The following SUMF1 variants were observed in gnomAD, a reference collection of about 807,000 sequenced individuals.
The protein encoded by SUMF1 is formylglycine-generating enzyme.
In SUMF1, 48 loss-of-function variants were observed where a neutral mutation model predicts 47.6. The ratio of observed to expected loss-of-function variants is 1.01; its 90% CI spans 0.80 to 1.28. SUMF1 has a LOEUF of 1.28. SUMF1 is among the 50% of genes most tolerant of loss of function. The probability of loss-of-function intolerance (pLI) is 0.00; values close to 1 mark genes in which losing one functional copy is unlikely to be tolerated. For missense variants in SUMF1, 571 were observed against 485.4 expected (o/e 1.18, Z -1.66); for synonymous variants, 230 against 192.1 (o/e 1.20, Z -1.63).
intron 8 of SUMF1, among the ~76,000 whole-genome samples, chr3:4,081,739 G>A (rs544159174): frequency 2.6e-5 from 4 of 152,246 alleles, no homozygotes; most frequent in East Asian, 1.9e-4. Context: ...AATTGTATGT[G>A]TGGACTTGAC....
intron 8 of SUMF1, among the ~76,000 whole-genome samples, chr3:4,235,341 TAC>T (rs1696384322): frequency 2.0e-5 from 3 of 152,044 alleles, no homozygotes; most frequent in Admixed American, 2.0e-4. Context: ...TAAGGATAAA[TAC>T]AGTTTTGAAT....
At chr3:4,285,760 T>C (rs1272461470) in intron 8 of SUMF1, among the ~76,000 whole-genome samples, 1 of 152,156 alleles carries the variant, frequency 6.6e-6, no homozygotes, top group African/African-American at 2.4e-5. Context: ...TGAATGATAC[T>C]TTCAATAACA....
intron 8 of SUMF1, among the ~76,000 whole-genome samples, chr3:4,191,108 G>A (rs1315473462): frequency 6.6e-6 from 1 of 152,150 alleles, no homozygotes; most frequent in Non-Finnish European, 1.5e-5. Context: ...GTCTGGTAAA[G>A]AATCAAGCCT....
intron 8 of SUMF1, among the ~76,000 whole-genome samples, chr3:4,138,598 C>G (rs1054979867): frequency 6.6e-6 from 1 of 152,014 alleles, no homozygotes; most frequent in Non-Finnish European, 1.5e-5. Context: ...TTGGCAATAC[C>G]CTTTGAGCTT....
Position 4,418,102 on chromosome 3 carries a change from CCAGGACA to C in SUMF1, c.626_632del (p.Val209GlyfsTer57). 6.2e-7 allele frequency: 1 copy of C among 1,614,098 alleles called. No homozygotes were observed. The highest frequency in any genetic ancestry group is 8.5e-7 in the Non-Finnish European group (1 of 1,180,018). ...AAGTGCAGTAGGCAACCGCATCATT[CCAGGACA>C]CATGGAGAACTGGATGATCCGGCCT... is the stretch of plus-strand genomic sequence containing the variant. On this transcript the variant is annotated frameshift_variant, in exon 5 of 9. Coordinates refer to ENST00000272902, the MANE Select transcript of SUMF1 (RefSeq NM_182760.4). LOFTEE classifies it high-confidence loss of function.
chr3:4,127,027 T>A (rs1355811354), intron 8 of SUMF1, among the ~76,000 whole-genome samples: 4 of 152,176 alleles, frequency 2.6e-5, no homozygotes, highest in African/African-American at 9.7e-5. Flanking sequence ...CTTCCAAGGA[T>A]TCCAGAGGAC....
At chr3:4,458,727 G>T (rs1457219988) in intron 1 of SUMF1, among the ~76,000 whole-genome samples, 2 of 152,042 alleles carry the variant, frequency 1.3e-5, no homozygotes, top group African/African-American at 4.8e-5. Flanking sequence ...TTGGTGGCGG[G>T]CGCCTGTAGT....
intron 8 of SUMF1, among the ~76,000 whole-genome samples, chr3:4,174,896 C>T (rs900529259): frequency 2.6e-5 from 4 of 152,196 alleles, no homozygotes; most frequent in African/African-American, 4.8e-5. Flanking sequence ...GTGCCTGGCT[C>T]GGCAGCTCCC....
intron 3 of SUMF1, among the ~76,000 whole-genome samples, chr3:4,439,417 T>G (rs1205827613): frequency 6.6e-6 from 1 of 151,978 alleles, no homozygotes; most frequent in East Asian, 1.9e-4. Flanking sequence ...TCCCAGCTAC[T>G]CGAGAGGCAG....
intron 8 of SUMF1, among the ~76,000 whole-genome samples, chr3:4,232,208 G>A (rs971841894): frequency 6.6e-6 from 1 of 151,992 alleles, no homozygotes; most frequent in Non-Finnish European, 1.5e-5. Context: ...CCCAATAGGA[G>A]CCTGGAAGAG....
Position 4,255,978 on chromosome 3 carries a change from A to T in SUMF1, c.1014+120352T>A, listed in dbSNP as rs527903777. 3.2e-3 allele frequency among the ~76,000 whole-genome samples: 466 copies of T among 147,614 alleles called. 1 individual carries two copies. The highest frequency in any genetic ancestry group is 0.011 in the African/African-American group (421 of 39,040). On this transcript the variant is annotated intron_variant and NMD_transcript_variant, in intron 8 of 12. Transcript: ENST00000448413. ...TAAGAATGTCACTCAAAGCCGCTCA[A>T]CTACATGCAAACTGAACAACCTGCT...
intron 7 of SUMF1, among the ~76,000 whole-genome samples, chr3:4,382,805 CAA>C (rs1297809401): frequency 6.6e-6 from 1 of 152,024 alleles, no homozygotes; most frequent in Non-Finnish European, 1.5e-5. Context: ...TCATTCTCAA[CAA>C]ACTAACAATA....
At chr3:4,087,198 C>T (rs1488894510) in intron 8 of SUMF1, among the ~76,000 whole-genome samples, 1 of 152,134 alleles carries the variant, frequency 6.6e-6, no homozygotes. Flanking sequence ...AAGACAAGTC[C>T]TGACACAGAC....
In SUMF1 at chr3:4,293,359, G is replaced by A. The variant is rs143312150; in HGVS notation, c.1014+82971C>T. ...TTGACTTTCTATTCTGAAGCTAAAA[G>A]GTTTTGGAGTTCAAAGAGCCACCTA... On this transcript the variant is annotated intron_variant and NMD_transcript_variant, in intron 8 of 12. Transcript: ENST00000448413. Among the ~76,000 whole-genome samples, 99 of 152,268 alleles carry A rather than the reference G, an allele frequency of 6.5e-4. 1 individual carries two copies. The highest frequency in any genetic ancestry group is 2.3e-3 in the African/African-American group (96 of 41,566).
At chr3:4,416,268 G>A (rs377048201) in intron 6 of SUMF1, among the ~76,000 whole-genome samples, 7 of 151,876 alleles carry the variant, frequency 4.6e-5, no homozygotes, top group South Asian at 2.1e-4. Flanking sequence ...CATCAAAGAC[G>A]TAGGTTAATA....
At chr3:4,278,746 T>C (rs1432681843) in intron 8 of SUMF1, among the ~76,000 whole-genome samples, 4 of 152,154 alleles carry the variant, frequency 2.6e-5, no homozygotes, top group Non-Finnish European at 1.5e-5. Flanking sequence ...TTGATATACA[T>C]GGTATTCTTT....
chr3:4,217,522 A>ATAAATATATATAAAGTAT (rs1695956166), intron 8 of SUMF1, among the ~76,000 whole-genome samples: 1 of 72,240 alleles, frequency 1.4e-5, no homozygotes, highest in Non-Finnish European at 2.7e-5. Context: ...TTTTATATAT[A>ATAAATATATATAAAGTAT]TATATATATA....
intron 8 of SUMF1, among the ~76,000 whole-genome samples, chr3:4,172,395 T>C (rs888642961): frequency 1.3e-5 from 2 of 152,134 alleles, no homozygotes; most frequent in African/African-American, 4.8e-5. Flanking sequence ...GCTTTCCAGG[T>C]ATTCACTAAA....
intron 8 of SUMF1, chr3:4,313,658 G>T: frequency 6.2e-7 from 1 of 1,613,990 alleles, no homozygotes; most frequent in Non-Finnish European, 8.5e-7. Flanking sequence ...TCTCTGTACT[G>T]CCCCGTAGAA....
Sources: allele counts gnomAD v4.1 joint callset (sites outside exome capture counted in the v4.1 genomes callset), GRCh38; gene constraint gnomAD v4.1.1; transcripts MANE v1.5; gene names NCBI Gene and HGNC (gene_info 2026-07-23, HGNC 2026-07-21).